The following PLD5 variants were observed in gnomAD, a reference collection of about 807,000 sequenced individuals.
The protein encoded by PLD5 is phospholipase D family member 5.
PLD5 carries 36 observed loss-of-function variants against 61.1 expected under a neutral mutation model. The ratio of observed to expected loss-of-function variants is 0.59; its 90% CI spans 0.45 to 0.78. PLD5 has a LOEUF of 0.78. Ranked by LOEUF, PLD5 falls within the 30% of genes least tolerant of loss-of-function variation. The pLI is 0.00. For missense variants in PLD5, 515 were observed against 644.4 expected (o/e 0.80, Z 2.17); for synonymous variants, 243 against 242.8 (o/e 1.00, Z -0.01).
At chr1:242,240,781 T>C (rs1212733639) in intron 4 of PLD5, among the ~76,000 whole-genome samples, 2 of 152,172 alleles carry the variant, frequency 1.3e-5, no homozygotes, top group Middle Eastern at 3.4e-3. Flanking sequence ...GGATGAAAAA[T>C]AGTCGTATGT....
chr1:242,415,513 T>A (rs1664772205), intron 1 of PLD5, among the ~76,000 whole-genome samples: 1 of 48,528 alleles, frequency 2.1e-5, no homozygotes, highest in African/African-American at 2.1e-4. Context: ...CCATAAAGAT[T>A]TTTTTTTTTT....
chr1:242,203,784 C>T (rs1173788463), intron 5 of PLD5: 1 of 152,248 alleles, frequency 6.6e-6, no homozygotes, highest in Non-Finnish European at 1.5e-5. Context: ...ATTACCCAGT[C>T]TTGGGTCCTT....
At chr1:242,374,868 G>T (rs767294339) in intron 1 of PLD5, among the ~76,000 whole-genome samples, 1 of 152,142 alleles carries the variant, frequency 6.6e-6, no homozygotes, top group African/African-American at 2.4e-5. Flanking sequence ...ATTCTGAGGG[G>T]CTCCCGTGTT....
intron 3 of PLD5, among the ~76,000 whole-genome samples, chr1:242,271,228 AG>A (rs1674057277): frequency 2.7e-5 from 4 of 147,114 alleles, no homozygotes; most frequent in South Asian, 2.1e-4. Flanking sequence ...AGAGAGAGAG[AG>A]AGAGAGAGAG....
intron 5 of PLD5, among the ~76,000 whole-genome samples, chr1:242,167,364 C>T (rs565064406): frequency 2.6e-5 from 4 of 152,284 alleles, no homozygotes; most frequent in Admixed American, 2.0e-4. Context: ...GCACATCTTA[C>T]ATGGCAGCAG....
At chr1:242,493,003 TA>T (rs1394462053) in intron 1 of PLD5, among the ~76,000 whole-genome samples, 1 of 152,090 alleles carries the variant, frequency 6.6e-6, no homozygotes, top group African/African-American at 2.4e-5. Flanking sequence ...ATTCAGTCCA[TA>T]ACACTATGTT....
rs2997794 is a variant in PLD5 at position 242,306,442 on chromosome 1, C to A, written c.327-17912G>T. 2.1e-3 allele frequency among the ~76,000 whole-genome samples: 304 copies of A among 141,420 alleles called. 2 individuals are homozygous for A. The South Asian group carries it at 0.022, about 10-fold the overall frequency. The allele number at this position is 141,420 out of a possible 152,430, so 92.8% of individuals were successfully genotyped here. ...ATCAAGGAATTCCCTGTGGATTACA[C>A]GGATATCCCTTGACTGAAAACGGCT... On this transcript the variant is annotated intron_variant, in intron 2 of 9. Transcript: ENST00000536534.
intron 5 of PLD5, among the ~76,000 whole-genome samples, chr1:242,198,523 T>C (rs1032329529): frequency 6.6e-6 from 1 of 151,784 alleles, no homozygotes; most frequent in Admixed American, 6.6e-5. Flanking sequence ...TGTATTAAAT[T>C]AGAACAAAAC....
chr1:242,331,471 T>C (rs1659165821), intron 2 of PLD5, among the ~76,000 whole-genome samples: 1 of 152,204 alleles, frequency 6.6e-6, no homozygotes, highest in Non-Finnish European at 1.5e-5. Context: ...TGAGAAGCCT[T>C]GTCTTAACTC....
intron 5 of PLD5, among the ~76,000 whole-genome samples, chr1:242,136,047 G>A (rs1461062919): frequency 6.6e-6 from 1 of 152,162 alleles, no homozygotes; most frequent in African/African-American, 2.4e-5. Flanking sequence ...GTCTTTGACT[G>A]TTTTGTCCCT....
At chr1:242,401,107 C>T (rs1663906175) in intron 1 of PLD5, among the ~76,000 whole-genome samples, 1 of 152,136 alleles carries the variant, frequency 6.6e-6, no homozygotes, top group Non-Finnish European at 1.5e-5. Context: ...TCCCATTGTC[C>T]CCATCCCAGT....
At chr1:242,476,437 G>A (rs1220349912) in intron 1 of PLD5, among the ~76,000 whole-genome samples, 1 of 152,124 alleles carries the variant, frequency 6.6e-6, no homozygotes, top group African/African-American at 2.4e-5. Flanking sequence ...GGGCTGCCAG[G>A]TGGCAAGGAA....
rs555674562 is a variant in PLD5 at position 242,257,304 on chromosome 1, T to G, written c.607+8033A>C. 3.5e-3 allele frequency among the ~76,000 whole-genome samples: 533 copies of G among 152,274 alleles called. 2 individuals are homozygous for G. Among genetic ancestry groups the G allele is most frequent in the Non-Finnish European group, 5.7e-3 (389 of 68,014 alleles). On this transcript the variant is annotated intron_variant, in intron 4 of 9. Coordinates refer to ENST00000536534, the MANE Select transcript of PLD5 (RefSeq NM_001372062.1). The stretch of plus-strand genomic sequence containing the variant: ...CATATATAGGTGGCACAGACTAAGC[T>G]CTATGTTTAATCACTTATAGGTCTG...
At chr1:242,460,444 G>C (rs1205228901) in intron 1 of PLD5, among the ~76,000 whole-genome samples, 1 of 152,150 alleles carries the variant, frequency 6.6e-6, no homozygotes, top group Non-Finnish European at 1.5e-5. Flanking sequence ...CCCGCAATAG[G>C]ATTAGTGAAT....
At chr1:242,134,614 G>A (rs759513966) in intron 5 of PLD5, among the ~76,000 whole-genome samples, 22 of 152,108 alleles carry the variant, frequency 1.4e-4, no homozygotes, top group Non-Finnish European at 1.8e-4. Context: ...AGAAAAGGGG[G>A]ATCTTCCTCT....
In PLD5 at chr1:242,348,206, A is replaced by G; in HGVS notation, c.226T>C (p.Cys76Arg). ...QKCIVIFALV[C>R]CFAILVALIF... Reference sequence around the variant, plus strand: ...AGTGCAACCAGAATGGCAAAGCAGCACACCAGGGCAAAGATCACGATGCAC... The same window carrying G: ...AGTGCAACCAGAATGGCAAAGCAGCGCACCAGGGCAAAGATCACGATGCAC... Residue 76 changes from cysteine (C) to arginine (R), a missense_variant, in exon 2 of 10, where the codon TGC becomes CGC. This residue lies in a region of PLD5 where 450 missense variants were observed against 598.1 expected (regional missense o/e 0.75). Transcript: ENST00000536534. The G allele has an allele frequency of 6.2e-7, 1 of 1,613,104 alleles. No homozygotes were observed. Among genetic ancestry groups the G allele is most frequent in the Non-Finnish European group, 8.5e-7 (1 of 1,179,744 alleles).
At chr1:242,394,137 A>AGTATATATATGT (rs1663183613) in intron 1 of PLD5, among the ~76,000 whole-genome samples, 1 of 123,120 alleles carries the variant, frequency 8.1e-6, no homozygotes, top group Non-Finnish European at 1.7e-5. Context: ...TATATATATG[A>AGTATATATATGT]GTATATATAT....
At chr1:242,100,636 C>T (rs1355865235) in intron 9 of PLD5, 32 bp downstream of exon 9, 3 of 1,554,546 alleles carry the variant, frequency 1.9e-6, no homozygotes, top group Non-Finnish European at 2.7e-6. Flanking sequence ...GGGTGACCCC[C>T]ACCCAAGGAG....
intron 4 of PLD5, among the ~76,000 whole-genome samples, chr1:242,238,899 C>T (rs1671814538): frequency 1.3e-5 from 2 of 152,210 alleles, no homozygotes; most frequent in Admixed American, 6.5e-5. Flanking sequence ...GAAGGTTCTG[C>T]CCTGGTATCC....
Sources: gnomAD v4.1 joint callset for allele counts (sites outside exome capture counted in the v4.1 genomes callset) on GRCh38, gnomAD v4.1.1 for gene constraint, gnomAD v4.1.1 regional missense constraint, MANE v1.5 for transcripts, NCBI Gene and HGNC (gene_info 2026-07-23, HGNC 2026-07-21) for gene names.